RAC1: variants seen among roughly 807,000 people sequenced by gnomAD.
RAC1 encodes the protein Rac family small GTPase 1.
Under a neutral mutation model 25.2 loss-of-function variants are expected in RAC1, and 2 were observed. The observed-to-expected ratio is 0.08, with a 90% CI of 0.03 to 0.25. The LOEUF (loss-of-function observed/expected upper bound fraction) is 0.25, where lower values mean the gene tolerates loss of function less well. RAC1 is among the 10% of genes least tolerant of loss of function. The pLI is 1.00. For synonymous variants in RAC1, 88 were observed against 94.0 expected, an observed-to-expected ratio of 0.94 and a Z score of 0.37; for missense variants, 50 against 235.7, an observed-to-expected ratio of 0.21 and a Z score of 5.16.
At chr7:6,395,013 C>G (rs1783192101) in intron 3 of RAC1, among the ~76,000 whole-genome samples, 1 of 152,324 alleles carries the variant, frequency 6.6e-6, no homozygotes, top group African/African-American at 2.4e-5. Flanking sequence ...CGCCACCACA[C>G]CTGACTAATT....
chr7:6,388,340 G>T (rs893554058), intron 2 of RAC1, among the ~76,000 whole-genome samples: 27 of 120,346 alleles, frequency 2.2e-4, no homozygotes, highest in South Asian at 2.1e-3. Flanking sequence ...TGTTGTTGTT[G>T]TTTTCCTTTT....
intron 3 of RAC1, among the ~76,000 whole-genome samples, chr7:6,396,050 C>T (rs1323735699): frequency 2.6e-5 from 4 of 152,096 alleles, no homozygotes; most frequent in Non-Finnish European, 5.9e-5. Context: ...GTGTGTGATG[C>T]AGGAGTAACA....
rs190433522 is a variant in RAC1 at position 6,389,622 on chromosome 7, G to A, written c.108-2302G>A. ...TTGAACCTGGGAGGTGGAGGTTGCA[G>A]TGAGCCAAGATTGTGCCTCTGCACT... On this transcript the variant is annotated intron_variant, in intron 2 of 5. Coordinates refer to ENST00000348035, the MANE Select transcript of RAC1 (RefSeq NM_006908.5). Among the ~76,000 whole-genome samples, 447 of 152,248 alleles carry A rather than the reference G, an allele frequency of 2.9e-3. 1 individual carries two copies. The highest frequency in any genetic ancestry group is 9.8e-3 in the African/African-American group (407 of 41,546).
At chr7:6,400,998 C>G (rs1188538547) in intron 4 of RAC1, among the ~76,000 whole-genome samples, 1 of 152,112 alleles carries the variant, frequency 6.6e-6, no homozygotes, top group Admixed American at 6.5e-5. Context: ...GCACTGTCAT[C>G]CAAGCTGGAG....
rs1194619990 is a variant in RAC1, at chr7:6,399,909, G to C, written c.226-217G>C. The C allele has an allele frequency of 3.1e-5, 18 of 574,992 alleles. No individual in the cohort carries two copies. The East Asian group carries it at 5.1e-4, about 16-fold the overall frequency. The allele number at this position is 574,992 out of a possible 1,614,324, so 35.6% of individuals were successfully genotyped here. ...GCTTCCAGCATCATTCTCCCTTCAT[G>C]CTCCCCATTTTCATAAGTAACTGGT... On this transcript the variant is annotated intron_variant, in intron 3 of 5. Transcript: ENST00000348035.
In RAC1 at chr7:6,383,859, A is replaced by G. The variant is rs573222836; in HGVS notation, c.36-3353A>G. 4.9e-3 allele frequency among the ~76,000 whole-genome samples: 595 copies of G among 121,556 alleles called. 1 individual carries two copies. Among genetic ancestry groups the G allele is most frequent in the African/African-American group, 9.8e-3 (305 of 31,264 alleles). The allele number at this position is 121,556 out of a possible 152,430, so 79.7% of individuals were successfully genotyped here. On this transcript the variant is annotated intron_variant, in intron 1 of 5. Transcript: ENST00000348035. ...CTCTTGTTGCCCAGGCTGGAGTGCA[A>G]TGGCGCAATCTCGGCTCACTGCAAC...
intron 1 of RAC1, among the ~76,000 whole-genome samples, chr7:6,379,629 C>T (rs1032860215): frequency 3.3e-5 from 5 of 152,164 alleles, no homozygotes; most frequent in East Asian, 1.9e-4. Context: ...AGGTTGGTTT[C>T]GAACTCCTGA....
intron 1 of RAC1, among the ~76,000 whole-genome samples, chr7:6,386,123 G>T (rs1338901656): frequency 6.6e-6 from 1 of 152,230 alleles, no homozygotes; most frequent in African/African-American, 2.4e-5. Flanking sequence ...ATTGCCAGTT[G>T]TGCAGGTGGT....
intron 1 of RAC1, among the ~76,000 whole-genome samples, chr7:6,377,842 T>C (rs1403325142): frequency 6.6e-6 from 1 of 152,016 alleles, no homozygotes; most frequent in African/African-American, 2.4e-5. Flanking sequence ...GAGGTGGAGG[T>C]TGCAGTGAGC....
At chr7:6,386,514 G>A (rs1280690153) in intron 1 of RAC1, among the ~76,000 whole-genome samples, 3 of 152,046 alleles carry the variant, frequency 2.0e-5, no homozygotes, top group Non-Finnish European at 4.4e-5. Flanking sequence ...GGGTGTGGTG[G>A]CTCCAGCCTG....
chr7:6,391,140 C>T (rs951297244), intron 2 of RAC1, among the ~76,000 whole-genome samples: 1 of 152,150 alleles, frequency 6.6e-6, no homozygotes, highest in Non-Finnish European at 1.5e-5. Flanking sequence ...TCAGGTGATC[C>T]GCCCACCTCG....
chr7:6,385,254 G>C (rs1782890407), intron 1 of RAC1, among the ~76,000 whole-genome samples: 1 of 152,168 alleles, frequency 6.6e-6, no homozygotes, highest in Admixed American at 6.5e-5. Flanking sequence ...TACTTCATGA[G>C]GTCTTGTTCA....
At chr7:6,382,341 A>G (rs750200692) in intron 1 of RAC1, among the ~76,000 whole-genome samples, 1 of 152,198 alleles carries the variant, frequency 6.6e-6, no homozygotes, top group Non-Finnish European at 1.5e-5. Context: ...TTGGTTTGCA[A>G]TTGTAATTGT....
intron 1 of RAC1, among the ~76,000 whole-genome samples, chr7:6,381,583 CGG>C (rs953980196): frequency 1.4e-5 from 2 of 145,464 alleles, no homozygotes; most frequent in Non-Finnish European, 3.1e-5. Context: ...TTAGTAGAGA[CGG>C]GGTTTCACTG....
intron 4 of RAC1, chr7:6,401,656 A>G (rs1375916038): frequency 2.3e-6 from 1 of 427,052 alleles, no homozygotes; most frequent in Non-Finnish European, 4.2e-6. Context: ...CTGTCCAGCC[A>G]TGATCCGGGA....
At chr7:6,400,474 T>TA in intron 4 of RAC1, among the ~76,000 whole-genome samples, 1 of 151,958 alleles carries the variant, frequency 6.6e-6, no homozygotes, top group South Asian at 2.1e-4. Flanking sequence ...GGACCATAAA[T>TA]GTGCACCACC....
chr7:6,379,268 A>ATTT (rs768891793), intron 1 of RAC1, among the ~76,000 whole-genome samples: 73 of 105,710 alleles, frequency 6.9e-4, no homozygotes, highest in Middle Eastern at 5.5e-3. Flanking sequence ...TGCCGAGGTA[A>ATTT]TTTTTTTTTT....
chr7:6,385,498 T>G (rs1459437526), intron 1 of RAC1, among the ~76,000 whole-genome samples: 1 of 152,226 alleles, frequency 6.6e-6, no homozygotes, highest in Non-Finnish European at 1.5e-5. Context: ...CTTAGGCTCC[T>G]GCTCATACAG....
chr7:6,384,788 T>G (rs1782876139), intron 1 of RAC1, among the ~76,000 whole-genome samples: 1 of 151,900 alleles, frequency 6.6e-6, no homozygotes, highest in Non-Finnish European at 1.5e-5. Context: ...GCACCAGGCT[T>G]TTATTTTTTA....
Sources: gnomAD v4.1 joint callset for allele counts (sites outside exome capture counted in the v4.1 genomes callset) on GRCh38, gnomAD v4.1.1 for gene constraint, MANE v1.5 for transcripts, NCBI Gene and HGNC (gene_info 2026-07-23, HGNC 2026-07-21) for gene names.